The following SLC11A2 variants were observed in gnomAD, a reference collection of about 807,000 sequenced individuals.
SLC11A2 encodes the protein solute carrier family 11 member 2.
SLC11A2 carries 38 observed loss-of-function variants against 68.0 expected under a neutral mutation model. The observed-to-expected ratio is 0.56, with a 90% CI of 0.43 to 0.73. The LOEUF (loss-of-function observed/expected upper bound fraction) is 0.73. Among genes scored for constraint, SLC11A2 ranks in the 30% least tolerant of loss-of-function variants. SLC11A2 has a pLI of 0.00. For missense variants in SLC11A2, 517 were observed against 690.5 expected, an observed-to-expected ratio of 0.75 and a Z score of 2.82; for synonymous variants, 242 against 250.6, an observed-to-expected ratio of 0.97 and a Z score of 0.32.
At chr12:51,014,411 C>T (rs1157609329) in intron 1 of SLC11A2, among the ~76,000 whole-genome samples, 1 of 152,056 alleles carries the variant, frequency 6.6e-6, no homozygotes, top group East Asian at 1.9e-4. Context: ...CATACAGAGC[C>T]GTTCAAATAC....
chr12:50,976,129 C>T (rs1362721384), downstream of SLC11A2, among the ~76,000 whole-genome samples: 1 of 151,048 alleles, frequency 6.6e-6, no homozygotes, highest in African/African-American at 2.4e-5. Context: ...GGAATCCTCC[C>T]TAACTCATTT....
At chr12:50,981,708 A>G, downstream of SLC11A2, 1 of 1,493,904 alleles carries the variant, frequency 6.7e-7, no homozygotes. Context: ...GTTCTTATAG[A>G]GTCTCTCAGG....
At chr12:51,000,901 C>A (rs947014341) in intron 5 of SLC11A2, among the ~76,000 whole-genome samples, 1 of 151,968 alleles carries the variant, frequency 6.6e-6, no homozygotes, top group Non-Finnish European at 1.5e-5. Context: ...CGCGGTGGCT[C>A]ACACCTGTAA....
chr12:50,993,073 T>C, intron 11 of SLC11A2, 144 bp from the exon 12 acceptor site: 1 of 948,922 alleles, frequency 1.1e-6, no homozygotes, highest in Admixed American at 2.0e-5. Context: ...TGCCAGAAGC[T>C]AGGCTCAAGT....
Position 50,992,210 on chromosome 12 carries a change from T to C in SLC11A2, c.1327A>G (p.Asn443Asp). 6.2e-7 allele frequency: 1 copy of C among 1,613,984 alleles called. No individual in the cohort carries two copies. The highest frequency in any genetic ancestry group is 1.1e-5 in the South Asian group (1 of 91,084). ...EHLTGMNDFL[N>D]VLQSLQLPFA... is the part of the protein sequence containing the mutation. ...CTCACCTGTAAGCTCTGTAGAACAT[T>C]CAGAAAGTCATTCATCCCTGTTAGA... The change falls in exon 13 of 16, where the codon AAT becomes GAT. Residue 443 changes from asparagine (N) to aspartate (D), a missense_variant. By Grantham distance (23) the Asn-to-Asp change is conservative. Transcript: ENST00000262052.
At chr12:50,956,622 G>GT in the SLC11A2 span, among the ~76,000 whole-genome samples, 1 of 152,138 alleles carries the variant, frequency 6.6e-6, no homozygotes, top group Non-Finnish European at 1.5e-5. Context: ...TCTATTTAAA[G>GT]TATGTGTTGA....
chr12:50,961,615 C>CGGTA, the SLC11A2 span, among the ~76,000 whole-genome samples: 1 of 152,130 alleles, frequency 6.6e-6, no homozygotes, highest in African/African-American at 2.4e-5. Context: ...CAAGACCTAC[C>CGGTA]AGTCAAATCC....
At chr12:50,992,417 TC>T in intron 12 of SLC11A2, 78 bp from the exon 13 acceptor site, 1 of 1,340,548 alleles carries the variant, frequency 7.5e-7, no homozygotes. Flanking sequence ...AGGAGAGACC[TC>T]AGAAGAATGG....
intron 1 of SLC11A2, among the ~76,000 whole-genome samples, chr12:51,011,575 T>TTA: frequency 8.4e-6 from 1 of 118,752 alleles, no homozygotes; most frequent in Non-Finnish European, 1.8e-5. Flanking sequence ...TTTTTTTTAG[T>TTA]TTTTTTAGAC....
At chr12:50,973,232 G>A in the SLC11A2 span, among the ~76,000 whole-genome samples, 2 of 152,172 alleles carry the variant, frequency 1.3e-5, no homozygotes, top group Non-Finnish European at 2.9e-5. Context: ...CTAACTGGGA[G>A]GCACCCCCCA....
chr12:50,995,845 C>A, intron 9 of SLC11A2, 58 bp from the exon 10 acceptor site: 2 of 1,562,366 alleles, frequency 1.3e-6, no homozygotes, highest in Non-Finnish European at 1.8e-6. Flanking sequence ...TTCCTTGTGA[C>A]ATTTCAGGAG....
chr12:51,000,418 A>C lies in SLC11A2; in HGVS notation c.431T>G (p.Val144Gly). 6.2e-7 allele frequency: 1 copy of C among 1,607,462 alleles called. No individual in the cohort carries two copies. The highest frequency in any genetic ancestry group is 8.5e-7 in the Non-Finnish European group (1 of 1,173,872). ...AEVCHRQYPKVPRVILWLMVE... is the reference protein window; with the variant it reads ...AEVCHRQYPKGPRVILWLMVE... ...CATCAGCCACAGGATGACTCGTGGG[A>C]CCTAAACATCAAACAGTAGAAAGAC... The change falls in exon 6 of 16, where the codon GTC (valine) becomes GGC (glycine). Residue 144 changes from valine (V) to glycine (G), a missense_variant and splice_region_variant. Transcript: ENST00000262052.
At chr12:50,995,206 G>A (rs916007301) in intron 10 of SLC11A2, 5 of 258,458 alleles carry the variant, frequency 1.9e-5, no homozygotes, top group South Asian at 1.4e-4. Flanking sequence ...CAGCTACTCA[G>A]GAGGCTGAGG....
Position 50,987,282 on chromosome 12 carries a change from T to G in SLC11A2, c.*1043A>C, listed in dbSNP as rs1174471958. The stretch of plus-strand genomic sequence containing the variant: ...TTGCAGAGAACGCTGAGAAAGACAG[T>G]GTGCTTTGCAACGGTTAAGTCCACA... On this transcript the variant is annotated 3_prime_UTR_variant, in exon 16 of 16. Coordinates refer to ENST00000262052, the MANE Select transcript of SLC11A2 (RefSeq NM_000617.3). 2.6e-5 allele frequency: 34 copies of G among 1,287,090 alleles called. No individual in the cohort carries two copies. The highest frequency in any genetic ancestry group is 1.2e-5 in the Non-Finnish European group (12 of 988,690). The allele number at this position is 1,287,090 out of a possible 1,614,324, so 79.7% of individuals were successfully genotyped here.
At chr12:50,982,204 T>C (rs1350190230), downstream of SLC11A2, among the ~76,000 whole-genome samples, 1 of 152,204 alleles carries the variant, frequency 6.6e-6, no homozygotes, top group Non-Finnish European at 1.5e-5. Flanking sequence ...CCTTTGGCAC[T>C]GGAGCAGAGA....
chr12:51,008,686 C>T, intron 2 of SLC11A2, 62 bp from the exon 3 acceptor site: 1 of 1,294,804 alleles, frequency 7.7e-7, no homozygotes, highest in Non-Finnish European at 1.1e-6. Context: ...AACAATTCAT[C>T]CTTAGTATAC....
At chr12:50,970,738 T>C in the SLC11A2 span, among the ~76,000 whole-genome samples, 1 of 152,218 alleles carries the variant, frequency 6.6e-6, no homozygotes, top group Non-Finnish European at 1.5e-5. Flanking sequence ...CATGATTTTC[T>C]GACTTAATTT....
At chr12:50,993,046 T>G in intron 11 of SLC11A2, 117 bp from the exon 12 acceptor site, 1 of 1,224,124 alleles carries the variant, frequency 8.2e-7, no homozygotes, top group Non-Finnish European at 1.2e-6. Flanking sequence ...CAACACCAAG[T>G]GCTGTGCTGC....
At chr12:50,955,670 T>C in the SLC11A2 span, among the ~76,000 whole-genome samples, 1 of 152,338 alleles carries the variant, frequency 6.6e-6, no homozygotes, top group African/African-American at 2.4e-5. Flanking sequence ...AATTTTACTT[T>C]ACAGTAATAT....
Sources: gnomAD v4.1 joint callset for allele counts (sites outside exome capture counted in the v4.1 genomes callset) on GRCh38, gnomAD v4.1.1 for gene constraint, MANE v1.5 for transcripts, NCBI Gene and HGNC (gene_info 2026-07-23, HGNC 2026-07-21) for gene names.